HERC1: variants seen among roughly 807,000 people sequenced by gnomAD.
HERC1 encodes the protein HECT and RLD domain containing E3 ubiquitin protein ligase family member 1, also known as probable E3 ubiquitin-protein ligase HERC1.
A neutral mutation model predicts 554.3 loss-of-function variants in HERC1; 160 were observed. That is an observed-to-expected ratio of 0.29 (90% CI 0.25 to 0.33). HERC1 has a LOEUF of 0.33. HERC1 is among the 10% of genes least tolerant of loss of function. HERC1 has a pLI of 1.00. For synonymous variants in HERC1, 2,175 were observed against 2,131.7 expected (o/e 1.02, Z -0.56); for missense variants, 4,919 against 5,918.5 (o/e 0.83, Z 5.54).
In HERC1 at chr15:63,680,798, C is replaced by T. The variant is rs754540726; in HGVS notation, c.6226-22G>A. 1 of 1,547,534 alleles carries T rather than the reference C, an allele frequency of 6.5e-7. No individual in the cohort carries two copies. The highest frequency in any genetic ancestry group is 8.9e-7 in the Non-Finnish European group (1 of 1,120,148). On this transcript the variant is annotated intron_variant, in intron 34 of 77. Coordinates refer to ENST00000443617, the MANE Select transcript of HERC1 (RefSeq NM_003922.4). The surrounding 1 kb of genome is among the most constrained non-coding windows in gnomAD (Gnocchi z 5.8). ...AAAACTAAAATAAAAGTGGGATATT[C>T]ATTAATACTCAAAAAATCTATTTAT... is the stretch of plus-strand genomic sequence containing the variant.
intron 19 of HERC1, 59 bp downstream of exon 19, chr15:63,723,123 A>G (rs1296808814): frequency 9.2e-7 from 1 of 1,089,060 alleles, no homozygotes; most frequent in Non-Finnish European, 1.2e-6. Flanking sequence ...TATTGCATAT[A>G]TATTTGCGAG....
chr15:63,651,593 C>T lies in HERC1; in HGVS notation c.10419-213G>A, dbSNP rs2069683314. 3.9e-5 allele frequency among the ~76,000 whole-genome samples: 6 copies of T among 152,166 alleles called. No homozygotes were observed. In the South Asian group the frequency reaches 1.2e-3, roughly 32 times the overall value. On this transcript the variant is annotated intron_variant, in intron 52 of 77. Transcript: ENST00000443617. ...TATAAAAGAGTGATATTAGACTTTTCCTCATTTAATGTAGTACACAACTTG... is the reference window on the plus strand; with the variant it reads ...TATAAAAGAGTGATATTAGACTTTTTCTCATTTAATGTAGTACACAACTTG...
chr15:63,631,304 G>A (rs2152803656), intron 68 of HERC1, among the ~76,000 whole-genome samples: 1 of 152,280 alleles, frequency 6.6e-6, no homozygotes, highest in South Asian at 2.1e-4. Context: ...CCCACCTTCT[G>A]CAGCCTAACT....
At chr15:63,791,248 T>C (rs1567132002) in intron 1 of HERC1, among the ~76,000 whole-genome samples, 1 of 152,224 alleles carries the variant, frequency 6.6e-6, no homozygotes, top group African/African-American at 2.4e-5. Flanking sequence ...AATATTTGCA[T>C]TGTTGCTGGT....
rs2071036473 is a variant in HERC1, at chr15:63,673,453, G to A, written c.7847-759C>T. ...GAAAAGAAGAAAGAAGGGAAAGAAGGAAGAACAATATAAACTCCATGAAGG... is the reference window on the plus strand; with the variant it reads ...GAAAAGAAGAAAGAAGGGAAAGAAGAAAGAACAATATAAACTCCATGAAGG... On this transcript the variant is annotated intron_variant, in intron 38 of 77. Coordinates refer to ENST00000443617, the MANE Select transcript of HERC1 (RefSeq NM_003922.4). Among the ~76,000 whole-genome samples the A allele has an allele frequency of 2.0e-5, 3 of 152,166 alleles. No individual in the cohort carries two copies. In the South Asian group the frequency reaches 6.2e-4, roughly 32 times the overall value.
Position 63,640,385 on chromosome 15 carries a change from G to C in HERC1, c.11668C>G (p.Leu3890Val), listed in dbSNP as rs1467159954. Reference protein sequence around the residue: ...HSPYMQCLASLAVGLHLDQLL... With the variant: ...HSPYMQCLASVAVGLHLDQLL... ...TGATCCAGATGAAGTCCCACAGCAA[G>C]GGAAGCCAAGCATTGCATATAGGGG... The change falls in exon 61 of 78, where the codon CTT (leucine) becomes GTT (valine). Residue 3890 changes from leucine to valine, a missense_variant. Physicochemically the swap from Leu to Val is conservative, Grantham distance 32. Around this residue, in one of 11 missense-constraint regions of HERC1, gnomAD observed 1,963 missense variants for 2,228.6 expected, o/e 0.88. Coordinates refer to ENST00000443617, the MANE Select transcript of HERC1 (RefSeq NM_003922.4). 6.2e-7 allele frequency: 1 copy of C among 1,613,822 alleles called. No individual in the cohort carries two copies. Among genetic ancestry groups the C allele is most frequent in the East Asian group, 2.2e-5 (1 of 44,874 alleles).
At chr15:63,625,861 T>C (rs2068280606) in intron 71 of HERC1, 124 bp downstream of exon 71, 3 of 960,846 alleles carry the variant, frequency 3.1e-6, no homozygotes, top group South Asian at 1.4e-5. Flanking sequence ...AGAAGTGTTA[T>C]CTTATTAGCC....
At chr15:63,827,071 CCATA>C (rs2077964833) in intron 1 of HERC1, among the ~76,000 whole-genome samples, 1 of 151,790 alleles carries the variant, frequency 6.6e-6, no homozygotes, top group Non-Finnish European at 1.5e-5. Flanking sequence ...ACCTAAATGC[CCATA>C]CATAGATGAA....
chr15:63,663,587 T>G (rs1388454143), intron 43 of HERC1, among the ~76,000 whole-genome samples: 1 of 152,184 alleles, frequency 6.6e-6, no homozygotes, highest in Non-Finnish European at 1.5e-5. Context: ...TCTGAGTAGC[T>G]AGGACTACAG....
In HERC1 at chr15:63,656,974, T is replaced by TATGAATAGTACTACC. The variant is rs375013051; in HGVS notation, c.9600-631_9600-617dup. 9.1e-3 allele frequency among the ~76,000 whole-genome samples: 1,393 copies of TATGAATAGTACTACC among 152,268 alleles called. 21 individuals are homozygous for TATGAATAGTACTACC. The highest frequency in any genetic ancestry group is 0.032 in the African/African-American group (1,330 of 41,528). On this transcript the variant is annotated intron_variant, in intron 48 of 77. Transcript: ENST00000443617. ...CAGGCGGTTTCCAACATGGGGCTAT[T>TATGAATAGTACTACC]ATGAATAGTACTACCATGAATGATT...
At chr15:63,772,988 A>G (rs189207952) in intron 2 of HERC1, among the ~76,000 whole-genome samples, 7 of 152,348 alleles carry the variant, frequency 4.6e-5, no homozygotes, top group East Asian at 3.8e-4. Flanking sequence ...TAAATTCAAC[A>G]TAATTGGATT....
At chr15:63,628,850 T>A (rs753205955) in intron 69 of HERC1, 35 bp from the exon 70 acceptor site, 2 of 1,597,194 alleles carry the variant, frequency 1.3e-6, no homozygotes, top group African/African-American at 2.7e-5. Context: ...GACATTCAAT[T>A]AGAAAGAGGA....
At chr15:63,791,120 A>T (rs1436472944) in intron 1 of HERC1, among the ~76,000 whole-genome samples, 1 of 152,206 alleles carries the variant, frequency 6.6e-6, no homozygotes, top group East Asian at 1.9e-4. Flanking sequence ...GACATACAGA[A>T]ATTTGCAGTT....
At position 63,658,635 on chromosome 15, in the gene HERC1, G is replaced by A. The variant is rs752455176; in HGVS notation, c.9508C>T (p.Arg3170Cys). ...QAAALANPHD[R>C]VVALRRVTAA... ...GTCACTCTCCTTAAAGCCACCACAC[G>A]GTCATGAGGGTTTGCTAGGGCAGCT... The change falls in exon 48 of 78, where the codon CGT (arginine) becomes TGT (cysteine). Residue 3170 changes from arginine to cysteine, a missense_variant. Transcript: ENST00000443617. 9.3e-6 allele frequency: 15 copies of A among 1,613,798 alleles called. No individual in the cohort carries two copies. The highest frequency in any genetic ancestry group is 4.5e-5 in the East Asian group (2 of 44,902).
intron 1 of HERC1, among the ~76,000 whole-genome samples, chr15:63,830,423 A>C (rs1419261320): frequency 1.3e-5 from 2 of 152,184 alleles, no homozygotes; most frequent in African/African-American, 4.8e-5. Flanking sequence ...AAAAATGTCA[A>C]GGTCGTGAAA....
At chr15:63,730,599 G>A (rs2074249589) in intron 14 of HERC1, among the ~76,000 whole-genome samples, 4 of 152,198 alleles carry the variant, frequency 2.6e-5, no homozygotes, top group African/African-American at 9.6e-5. Flanking sequence ...TGTAAATGTA[G>A]ACTATATATT....
At chr15:63,657,414 C>T (rs751044460) in intron 48 of HERC1, among the ~76,000 whole-genome samples, 9 of 151,962 alleles carry the variant, frequency 5.9e-5, no homozygotes, top group Non-Finnish European at 1.0e-4. Flanking sequence ...AACATCTTTT[C>T]ATGTTTATTG....
chr15:63,663,311 T>TCC, intron 43 of HERC1, 107 bp from the exon 44 acceptor site: 1 of 863,162 alleles, frequency 1.2e-6, no homozygotes, highest in Non-Finnish European at 1.9e-6. Context: ...ATCTCAGTTG[T>TCC]CTTATTGGAT....
chr15:63,694,245 G>A lies in HERC1; in HGVS notation c.5480+67C>T. 6.4e-7 allele frequency: 1 copy of A among 1,567,088 alleles called. No individual in the cohort carries two copies. The highest frequency in any genetic ancestry group is 8.7e-7 in the Non-Finnish European group (1 of 1,154,490). ...ATACATAAAGCAGATTAGAGGGAAA[G>A]GGGGAATTCTAAAATGGAGGAAGAC... On this transcript the variant is annotated intron_variant, in intron 29 of 77. Coordinates refer to ENST00000443617, the MANE Select transcript of HERC1 (RefSeq NM_003922.4). This position sits in a 1 kb window ranked among gnomAD's most constrained non-coding sequence, Gnocchi z 4.3.
Sources: gnomAD v4.1 joint callset for allele counts (sites outside exome capture counted in the v4.1 genomes callset) on GRCh38, gnomAD v4.1.1 for gene constraint, gnomAD v4.1.1 regional missense constraint, Gnocchi (gnomAD v3.1) non-coding constraint, MANE v1.5 for transcripts, NCBI Gene and HGNC (gene_info 2026-07-23, HGNC 2026-07-21) for gene names.